SUCLA2: variants seen among roughly 807,000 people sequenced by gnomAD.
The protein encoded by SUCLA2 is succinate--CoA ligase [ADP-forming] subunit beta, mitochondrial.
SUCLA2 carries 30 observed loss-of-function variants against 54.8 expected under a neutral mutation model. That is an observed-to-expected ratio of 0.55 (90% CI 0.41 to 0.74). The LOEUF is 0.74. Ranked by LOEUF, SUCLA2 falls within the 30% of genes least tolerant of loss-of-function variation. The pLI is 0.00. For synonymous variants in SUCLA2, 172 were observed against 188.9 expected, an observed-to-expected ratio of 0.91 and a Z score of 0.74; for missense variants, 476 against 562.9, an observed-to-expected ratio of 0.85 and a Z score of 1.56.
intron 2 of SUCLA2, among the ~76,000 whole-genome samples, chr13:47,995,909 T>C (rs913825510): frequency 6.6e-6 from 1 of 152,218 alleles, no homozygotes; most frequent in African/African-American, 2.4e-5. Context: ...AATAAAGGAA[T>C]CTGCTAATAA....
chr13:47,964,411 T>G (rs547863987), intron 6 of SUCLA2, among the ~76,000 whole-genome samples: 2 of 152,194 alleles, frequency 1.3e-5, no homozygotes, highest in Non-Finnish European at 2.9e-5. Context: ...AATCTATGTA[T>G]GGAATAAATT....
intron 4 of SUCLA2, among the ~76,000 whole-genome samples, chr13:47,977,397 T>C (rs1032351222): frequency 2.0e-4 from 30 of 152,138 alleles, no homozygotes; most frequent in African/African-American, 7.0e-4. Context: ...TTTCAAAAAA[T>C]TGAAAAGGAC....
intron 5 of SUCLA2, among the ~76,000 whole-genome samples, chr13:47,972,480 T>C (rs1355237620): frequency 2.0e-5 from 3 of 151,446 alleles, no homozygotes; most frequent in African/African-American, 7.3e-5. Context: ...ACCAACCTGA[T>C]CAACAAGATG....
At chr13:47,944,139 C>A (rs979202388) in intron 10 of SUCLA2, among the ~76,000 whole-genome samples, 11 of 151,932 alleles carry the variant, frequency 7.2e-5, no homozygotes, top group Non-Finnish European at 1.5e-4. Context: ...GCTGCAAATC[C>A]CCCCTCTGAT....
intron 5 of SUCLA2, chr13:47,971,683 C>G (rs1279175215): frequency 2.6e-6 from 1 of 384,050 alleles, no homozygotes; most frequent in African/African-American, 2.1e-5. Context: ...CAGCGTTCAT[C>G]GAATTCTTAA....
chr13:47,979,513 G>A (rs1044040837), intron 4 of SUCLA2, among the ~76,000 whole-genome samples: 1 of 152,128 alleles, frequency 6.6e-6, no homozygotes, highest in African/African-American at 2.4e-5. Flanking sequence ...GGCAGAGATA[G>A]CATCAGGAGA....
At chr13:47,993,424 T>G (rs1016367047) in intron 2 of SUCLA2, among the ~76,000 whole-genome samples, 1 of 152,230 alleles carries the variant, frequency 6.6e-6, no homozygotes, top group African/African-American at 2.4e-5. Context: ...ACCTTCATTT[T>G]GGGGACTCAT....
chr13:47,986,637 A>G (rs1391693829), intron 4 of SUCLA2, among the ~76,000 whole-genome samples: 1 of 152,160 alleles, frequency 6.6e-6, no homozygotes, highest in Non-Finnish European at 1.5e-5. Flanking sequence ...TCCTGAATGA[A>G]TGGTATTACC....
intron 6 of SUCLA2, chr13:47,965,637 G>T (rs1949912181): frequency 2.5e-6 from 1 of 398,300 alleles, no homozygotes; most frequent in South Asian, 1.3e-4. Flanking sequence ...TGATCCTGGT[G>T]GTCCTGGGGA....
At position 47,964,798 on chromosome 13, in the gene SUCLA2, A is replaced by G. The variant is rs182614692; in HGVS notation, c.802+3797T>C. 5.6e-3 allele frequency among the ~76,000 whole-genome samples: 853 copies of G among 152,246 alleles called. 5 individuals are homozygous for G. The highest frequency in any genetic ancestry group is 0.019 in the African/African-American group (786 of 41,538). The stretch of plus-strand genomic sequence containing the variant: ...CATGAACCTGGGAGGCGGAGCTTGC[A>G]GTGAGCTGAGATCGTGCCACTGCAC... On this transcript the variant is annotated intron_variant, in intron 6 of 10. Transcript: ENST00000646932.
chr13:47,954,868 C>A (rs12860399), intron 6 of SUCLA2, among the ~76,000 whole-genome samples: 15 of 151,948 alleles, frequency 9.9e-5, no homozygotes, highest in Non-Finnish European at 2.2e-4. Flanking sequence ...TCGTAGCTAA[C>A]CCCATCACTT....
At chr13:47,943,762 G>GTATATATATATATATATATATATA (rs1419922780) in intron 10 of SUCLA2, among the ~76,000 whole-genome samples, 57 of 133,300 alleles carry the variant, frequency 4.3e-4, no homozygotes, top group African/African-American at 4.2e-4. Context: ...GTGTGTGTGT[G>GTATATATATATATATATATATATA]TGTGTATATA....
chr13:47,960,548 AT>A (rs1257051459), intron 6 of SUCLA2, among the ~76,000 whole-genome samples: 11 of 152,220 alleles, frequency 7.2e-5, no homozygotes, highest in African/African-American at 9.6e-5. Context: ...CAATAATTTA[AT>A]GAAGAAAAAC....
At chr13:47,970,556 G>A (rs1013396296) in intron 5 of SUCLA2, among the ~76,000 whole-genome samples, 7 of 151,934 alleles carry the variant, frequency 4.6e-5, no homozygotes, top group Non-Finnish European at 1.0e-4. Context: ...TTAAAACTTT[G>A]TGCCGGTCAA....
At chr13:47,959,846 A>T in intron 6 of SUCLA2, among the ~76,000 whole-genome samples, 1 of 152,162 alleles carries the variant, frequency 6.6e-6, no homozygotes, top group Non-Finnish European at 1.5e-5. Context: ...CAATTTAGCA[A>T]TTCTTAATAG....
At chr13:48,000,810 G>A in intron 1 of SUCLA2, 2 of 1,069,886 alleles carry the variant, frequency 1.9e-6, no homozygotes, top group South Asian at 2.7e-5. Flanking sequence ...ATTCCCCCCT[G>A]CCCAAAAAGG....
chr13:47,970,937 G>C (rs1949957624), intron 5 of SUCLA2, among the ~76,000 whole-genome samples: 1 of 151,974 alleles, frequency 6.6e-6, no homozygotes, highest in Non-Finnish European at 1.5e-5. Context: ...ATTAAGAAAT[G>C]TTTAAGGAGA....
intron 6 of SUCLA2, among the ~76,000 whole-genome samples, chr13:47,963,886 G>A (rs763032702): frequency 1.1e-4 from 16 of 152,154 alleles, no homozygotes; most frequent in Admixed American, 1.3e-4. Flanking sequence ...GTGGATTGCC[G>A]AACTGTGACA....
At position 47,943,396 on chromosome 13, in the gene SUCLA2, T is replaced by C. The variant is rs1260039095; in HGVS notation, c.1367A>G (p.Asp456Gly). The C allele has an allele frequency of 1.2e-6, 2 of 1,613,918 alleles. No individual in the cohort carries two copies. The highest frequency in any genetic ancestry group is 2.2e-5 in the South Asian group (2 of 91,076). The change falls in exon 11 of 11, where the codon GAT becomes GGT. Residue 456 changes from aspartate to glycine, a missense_variant. Coordinates refer to ENST00000646932, the MANE Select transcript of SUCLA2 (RefSeq NM_003850.3). ...TCATATTGGCAACTGAAATTTCACA[T>C]CCACATGTGCTTGCTTCGCTAAGGT... ...IVTLAKQAHV[D>G]VKFQLPI
Sources: gnomAD v4.1 joint callset for allele counts (sites outside exome capture counted in the v4.1 genomes callset) on GRCh38, gnomAD v4.1.1 for gene constraint, MANE v1.5 for transcripts, NCBI Gene and HGNC (gene_info 2026-07-23, HGNC 2026-07-21) for gene names.